PRIM2: variants seen among roughly 807,000 people sequenced by gnomAD.
PRIM2 encodes the protein DNA primase large subunit.
Under a neutral mutation model 67.3 loss-of-function variants are expected in PRIM2, and 39 were observed. The ratio of observed to expected loss-of-function variants is 0.58; its 90% CI spans 0.45 to 0.76. PRIM2 has a LOEUF of 0.76. Among genes scored for constraint, PRIM2 ranks in the 30% least tolerant of loss-of-function variants. The pLI is 0.00. For synonymous variants in PRIM2, 143 were observed against 198.7 expected (o/e 0.72, Z 2.36); for missense variants, 398 against 598.7 (o/e 0.66, Z 3.50).
At chr6:57,552,565 G>C (rs1428042129) in intron 10 of PRIM2, among the ~76,000 whole-genome samples, 1 of 152,168 alleles carries the variant, frequency 6.6e-6, no homozygotes, top group Non-Finnish European at 1.5e-5. Flanking sequence ...ACTCCAGAGG[G>C]AAATGAATGA....
At chr6:57,578,289 A>G (rs1297866589) in intron 10 of PRIM2, among the ~76,000 whole-genome samples, 1 of 152,156 alleles carries the variant, frequency 6.6e-6, no homozygotes, top group Non-Finnish European at 1.5e-5. Context: ...TAGAGTTACT[A>G]TGTTCTCCTC....
the PRIM2 span, among the ~76,000 whole-genome samples, chr6:57,270,335 GA>G: frequency 6.6e-6 from 1 of 152,232 alleles, no homozygotes; most frequent in East Asian, 1.9e-4. Flanking sequence ...TCTCCTTGAA[GA>G]GGTCCTTCAT....
intron 7 of PRIM2, among the ~76,000 whole-genome samples, chr6:57,405,902 A>G (rs565360037): frequency 0.028 from 4,185 of 150,856 alleles, no homozygotes; most frequent in Non-Finnish European, 0.043. Context: ...CTTCATCATC[A>G]GTACCACCAT....
At chr6:57,310,247 A>G (rs1213243647), upstream of PRIM2, among the ~76,000 whole-genome samples, 1 of 152,254 alleles carries the variant, frequency 6.6e-6, no homozygotes, top group African/African-American at 2.4e-5. Flanking sequence ...CAATGTGGTG[A>G]TGACTCTTAA....
intron 10 of PRIM2, among the ~76,000 whole-genome samples, chr6:57,565,901 C>G (rs1775728584): frequency 2.0e-5 from 3 of 152,140 alleles, no homozygotes; most frequent in Non-Finnish European, 4.4e-5. Context: ...AGATCATGTT[C>G]CGATTTCTCC....
chr6:57,446,418 C>CTTTTTTTTTTTTTTTTTTTTTTTTTT lies in PRIM2; in HGVS notation c.694-60954_694-60953insTTTTTTTTTTTTTTTTTTTTTTTTTT, dbSNP rs397958660. Among the ~76,000 whole-genome samples, 40 of 83,818 alleles carry CTTTTTTTTTTTTTTTTTTTTTTTTTT rather than the reference C, an allele frequency of 4.8e-4. 11 individuals carry two copies. The highest frequency in any genetic ancestry group is 0.015 in the Middle Eastern group (2 of 132). The allele number at this position is 83,818 out of a possible 152,430, so 55.0% of individuals were successfully genotyped here. A position where few individuals can be genotyped will look rare whatever the true frequency, so the allele number is the denominator to read the frequency against. ...GGCATAGGCCTGGCACACGCCACTT[C>CTTTTTTTTTTTTTTTTTTTTTTTTTT]TTTTTTTTTTTTTTTGAGACAGTCT... is the stretch of plus-strand genomic sequence containing the variant. On this transcript the variant is annotated intron_variant, in intron 7 of 13. Coordinates refer to ENST00000615550, the MANE Select transcript of PRIM2 (RefSeq NM_000947.5).
At chr6:57,416,972 C>T (rs114887205) in intron 7 of PRIM2, among the ~76,000 whole-genome samples, 3 of 144,376 alleles carry the variant, frequency 2.1e-5, no homozygotes, top group African/African-American at 2.5e-5. Flanking sequence ...TTCTTTTTTT[C>T]TTTTTTTTTT....
chr6:57,631,194 C>T (rs1777033654), intron 12 of PRIM2, among the ~76,000 whole-genome samples: 1 of 151,868 alleles, frequency 6.6e-6, no homozygotes, highest in Non-Finnish European at 1.5e-5. Context: ...AATTTGAGAC[C>T]CCATGTTCAT....
chr6:57,327,327 G>A (rs1008534797), intron 5 of PRIM2, among the ~76,000 whole-genome samples: 4 of 152,180 alleles, frequency 2.6e-5, no homozygotes, highest in Non-Finnish European at 4.4e-5. Context: ...GTTGGAATGC[G>A]TGGCTTAAAG....
chr6:57,482,996 G>A (rs1447059882), intron 7 of PRIM2, among the ~76,000 whole-genome samples: 12 of 152,034 alleles, frequency 7.9e-5, no homozygotes, highest in African/African-American at 2.9e-4. Flanking sequence ...AGCAGCCTCC[G>A]CCTCCTGGGT....
At position 57,588,494 on chromosome 6, in the gene PRIM2, G is replaced by C. The variant is rs1776233485; in HGVS notation, c.1021-12599G>C. 3.3e-5 allele frequency among the ~76,000 whole-genome samples: 5 copies of C among 151,182 alleles called. No homozygotes were observed. In the East Asian group the frequency reaches 5.9e-4, roughly 18 times the overall value. ...CATTGGGACATTTGCTTCTCTGGAG[G>C]AAAATAGACAATTCTCTGGTGAGGA... On this transcript the variant is annotated intron_variant, in intron 10 of 13. Transcript: ENST00000615550.
chr6:57,610,286 T>G (rs1204976674), intron 12 of PRIM2, among the ~76,000 whole-genome samples: 1 of 152,172 alleles, frequency 6.6e-6, no homozygotes, highest in African/African-American at 2.4e-5. Flanking sequence ...CAGGCCAGTC[T>G]TAAACTCCTG....
chr6:57,424,865 T>C (rs1400595713), intron 7 of PRIM2, among the ~76,000 whole-genome samples: 2 of 152,196 alleles, frequency 1.3e-5, no homozygotes, highest in Admixed American at 1.3e-4. Flanking sequence ...TAAAATATAT[T>C]ATTAAATGAA....
the PRIM2 span, among the ~76,000 whole-genome samples, chr6:57,252,653 C>T: frequency 4.0e-3 from 614 of 152,286 alleles, 4 homozygotes; most frequent in Non-Finnish European, 4.8e-3. Context: ...GTTGGCCAGG[C>T]TGATCTCGAA....
At chr6:57,464,615 C>G (rs1773125243) in intron 7 of PRIM2, among the ~76,000 whole-genome samples, 1 of 152,044 alleles carries the variant, frequency 6.6e-6, no homozygotes, top group Non-Finnish European at 1.5e-5. Context: ...TGACTGGAAC[C>G]TAATAGGTAC....
At chr6:57,467,127 A>AAG (rs1773222998) in intron 7 of PRIM2, among the ~76,000 whole-genome samples, 9 of 148,602 alleles carry the variant, frequency 6.1e-5, no homozygotes, top group African/African-American at 1.0e-4. Flanking sequence ...AAAAGAAAAG[A>AAG]AAAAAAGATC....
chr6:57,629,311 GA>G (rs1777005401), intron 12 of PRIM2, among the ~76,000 whole-genome samples: 1 of 152,166 alleles, frequency 6.6e-6, no homozygotes, highest in South Asian at 2.1e-4. Context: ...TTTCTACACA[GA>G]AAATATCTGT....
Position 57,646,212 on chromosome 6 carries a change from G to T in PRIM2, c.*54G>T. ...GCCTGTTTCCTGTTTTTAAGATTTTGCCTTTGTTGTTGAAAAAGGGTTTCA... is the reference window on the plus strand; with the variant it reads ...GCCTGTTTCCTGTTTTTAAGATTTTTCCTTTGTTGTTGAAAAAGGGTTTCA... On this transcript the variant is annotated 3_prime_UTR_variant, in exon 14 of 14. Transcript: ENST00000615550. 7.0e-6 allele frequency: 8 copies of T among 1,141,238 alleles called. No individual in the cohort carries two copies. Among genetic ancestry groups the T allele is most frequent in the Non-Finnish European group, 1.0e-5 (8 of 776,056 alleles). The allele number at this position is 1,141,238 out of a possible 1,614,324, so 70.7% of individuals were successfully genotyped here.
chr6:57,477,532 C>T (rs1773505423), intron 7 of PRIM2, among the ~76,000 whole-genome samples: 1 of 152,196 alleles, frequency 6.6e-6, no homozygotes, highest in African/African-American at 2.4e-5. Flanking sequence ...ATTTCTATAA[C>T]ATTTGTTGCT....
Sources: gnomAD v4.1 joint callset for allele counts (sites outside exome capture counted in the v4.1 genomes callset) on GRCh38, gnomAD v4.1.1 for gene constraint, MANE v1.5 for transcripts, NCBI Gene and HGNC (gene_info 2026-07-23, HGNC 2026-07-21) for gene names.